Variants in EYS observed in about 807,000 individuals in gnomAD.
EYS encodes the protein protein eyes shut homolog.
Under a neutral mutation model 282.1 loss-of-function variants are expected in EYS, and 250 were observed. That is an observed-to-expected ratio of 0.89 (90% CI 0.80 to 0.98). The LOEUF is 0.98. EYS is among the 50% of genes least tolerant of loss of function. EYS has a pLI of 0.00. For synonymous variants in EYS, 1,355 were observed against 1,282.9 expected (o/e 1.06, Z -1.20); for missense variants, 4,016 against 3,709.0 (o/e 1.08, Z -2.15).
chr6:64,235,830 A>G (rs571449576), intron 30 of EYS, among the ~76,000 whole-genome samples: 3 of 152,280 alleles, frequency 2.0e-5, no homozygotes, highest in Non-Finnish European at 1.5e-5. Context: ...GGCAATAATC[A>G]ATAGCTTACC....
chr6:64,177,350 T>A (rs987245013), intron 31 of EYS, among the ~76,000 whole-genome samples: 4 of 146,096 alleles, frequency 2.7e-5, no homozygotes, highest in South Asian at 2.2e-4. Context: ...ATATATATAT[T>A]TTATTAGGTG....
intron 5 of EYS, among the ~76,000 whole-genome samples, chr6:65,467,130 T>C (rs545394787): frequency 1.3e-5 from 2 of 152,306 alleles, no homozygotes; most frequent in African/African-American, 4.8e-5. Flanking sequence ...AAAACCATTA[T>C]GTATGTAAAA....
chr6:64,986,524 A>G (rs905697942), intron 14 of EYS, among the ~76,000 whole-genome samples: 1 of 150,114 alleles, frequency 6.7e-6, no homozygotes, highest in South Asian at 2.1e-4. Context: ...CTAATACTTC[A>G]TGGTGTTTCC....
chr6:65,470,441 G>C (rs1040677164), intron 5 of EYS, among the ~76,000 whole-genome samples: 1 of 151,956 alleles, frequency 6.6e-6, no homozygotes, highest in East Asian at 1.9e-4. Flanking sequence ...TAATATATTA[G>C]ATTGGTTTTA....
At chr6:64,112,469 T>C (rs1773236667) in intron 31 of EYS, among the ~76,000 whole-genome samples, 1 of 151,864 alleles carries the variant, frequency 6.6e-6, no homozygotes, top group African/African-American at 2.4e-5. Context: ...AAAGTGACAT[T>C]ATAGTATATA....
chr6:64,816,214 C>A (rs1764738712), intron 21 of EYS, among the ~76,000 whole-genome samples: 1 of 152,110 alleles, frequency 6.6e-6, no homozygotes, highest in African/African-American at 2.4e-5. Flanking sequence ...ACCATTCCCT[C>A]TGCAAAGGCC....
intron 41 of EYS, among the ~76,000 whole-genome samples, chr6:63,730,855 AC>A (rs1347477258): frequency 6.6e-6 from 1 of 152,056 alleles, no homozygotes. Flanking sequence ...CCCCGTCTCT[AC>A]TAAAAATACA....
rs1005218710 is a variant in EYS, at chr6:65,335,237, C to T, written c.1600-91G>A. 3.4e-6 allele frequency: 3 copies of T among 877,954 alleles called. No homozygotes were observed. The African/African-American group carries it at 5.0e-5, about 15-fold the overall frequency. The allele number at this position is 877,954 out of a possible 1,614,324, so 54.4% of individuals were successfully genotyped here. A position where few individuals can be genotyped will look rare whatever the true frequency, so the allele number is the denominator to read the frequency against. On this transcript the variant is annotated intron_variant, in intron 10 of 42. Transcript: ENST00000503581. ...ACCTGAGAGATCATGATAGATGCCT[C>T]TCTGTCTACTAAGATGAAACCTAGG...
At chr6:65,140,831 G>C (rs997264893) in intron 12 of EYS, among the ~76,000 whole-genome samples, 1 of 149,206 alleles carries the variant, frequency 6.7e-6, no homozygotes, top group African/African-American at 2.5e-5. Flanking sequence ...TCATTAAAAA[G>C]TCAGGAAACA....
chr6:64,324,582 C>G (rs2150386545), intron 29 of EYS, among the ~76,000 whole-genome samples: 1 of 152,248 alleles, frequency 6.6e-6, no homozygotes, highest in Non-Finnish European at 1.5e-5. Context: ...ATGCCCCTCA[C>G]ATCACCCCAT....
intron 29 of EYS, among the ~76,000 whole-genome samples, chr6:64,358,322 A>T (rs1298236682): frequency 6.6e-6 from 1 of 151,584 alleles, no homozygotes; most frequent in Non-Finnish European, 1.5e-5. Context: ...GGTATGTTAA[A>T]CCTGCTTCAA....
intron 12 of EYS, among the ~76,000 whole-genome samples, chr6:65,107,203 C>G (rs1441979273): frequency 4.0e-5 from 6 of 151,780 alleles, no homozygotes; most frequent in Admixed American, 2.6e-4. Context: ...TGGGAAGAAT[C>G]CTTAATTTTA....
At chr6:65,615,393 T>C (rs1338044685) in intron 2 of EYS, among the ~76,000 whole-genome samples, 1 of 146,858 alleles carries the variant, frequency 6.8e-6, no homozygotes, top group East Asian at 2.0e-4. Flanking sequence ...TATTTATATA[T>C]ATATATATGT....
At position 64,303,217 on chromosome 6, in the gene EYS, A is replaced by T. The variant is rs567835541; in HGVS notation, c.6191+3753T>A. On this transcript the variant is annotated intron_variant, in intron 30 of 42. Transcript: ENST00000503581. ...CATTGCAACTGCTTGGCCAAGAGAG[A>T]TTATCATACCCCCAGTGGGGTTCCT... Among the ~76,000 whole-genome samples, 10 of 152,286 alleles carry T rather than the reference A, an allele frequency of 6.6e-5. No homozygotes were observed. The East Asian group carries it at 1.7e-3, about 26-fold the overall frequency.
intron 42 of EYS, 68 bp downstream of exon 42, chr6:63,726,451 C>T (rs1768618417): frequency 7.5e-7 from 1 of 1,332,146 alleles, no homozygotes; most frequent in Non-Finnish European, 1.0e-6. Flanking sequence ...GTGACACAAA[C>T]ACTATCATAC....
In EYS at chr6:65,369,315, AT is replaced by A. The variant is rs201961063; in HGVS notation, c.1299+15070del. Among the ~76,000 whole-genome samples the A allele has an allele frequency of 1.8e-3, 80 of 45,688 alleles. 1 individual carries two copies. The highest frequency in any genetic ancestry group is 4.6e-3 in the Non-Finnish European group (48 of 10,404). 30.0% of individuals were successfully genotyped at this position (45,688 alleles called of 152,430 possible). ...ATATATATTTATGTATAATATATATATTATATATATATATTTATATATATAT... is the reference window on the plus strand; with the variant it reads ...ATATATATTTATGTATAATATATATATATATATATATATTTATATATATAT... On this transcript the variant is annotated intron_variant, in intron 8 of 42. Transcript: ENST00000503581.
intron 12 of EYS, among the ~76,000 whole-genome samples, chr6:65,218,405 C>T (rs967602536): frequency 5.9e-5 from 9 of 152,040 alleles, no homozygotes; most frequent in African/African-American, 2.2e-4. Context: ...TTTGTGATAC[C>T]TCACTGAGGT....
chr6:63,773,227 T>C (rs1769980603), intron 40 of EYS, among the ~76,000 whole-genome samples: 1 of 152,188 alleles, frequency 6.6e-6, no homozygotes, highest in Non-Finnish European at 1.5e-5. Flanking sequence ...TATTTTTAGC[T>C]TTTTGCCAAC....
intron 34 of EYS, among the ~76,000 whole-genome samples, chr6:63,989,563 A>G (rs1284935903): frequency 6.6e-6 from 1 of 151,548 alleles, no homozygotes; most frequent in African/African-American, 2.4e-5. Flanking sequence ...ATATATTTTT[A>G]TTTTTAGGAC....
Sources: allele counts gnomAD v4.1 joint callset (sites outside exome capture counted in the v4.1 genomes callset), GRCh38; gene constraint gnomAD v4.1.1; transcripts MANE v1.5; gene names NCBI Gene and HGNC (gene_info 2026-07-23, HGNC 2026-07-21).